The following ANKRD18A variants were observed in gnomAD, a reference collection of about 807,000 sequenced individuals.
ANKRD18A encodes the protein ankyrin repeat domain-containing protein 18A.
A neutral mutation model predicts 110.6 loss-of-function variants in ANKRD18A; 72 were observed. The ratio of observed to expected loss-of-function variants is 0.65; its 90% CI spans 0.54 to 0.79. The LOEUF (loss-of-function observed/expected upper bound fraction) is 0.79. Among genes scored for constraint, ANKRD18A ranks in the 30% least tolerant of loss-of-function variants. The probability of loss-of-function intolerance (pLI) is 0.00; values close to 1 mark genes in which losing one functional copy is unlikely to be tolerated. For missense variants in ANKRD18A, 934 were observed against 1,163.3 expected (o/e 0.80, Z 2.87); for synonymous variants, 305 against 410.3 (o/e 0.74, Z 3.10).
At chr9:38,590,089 G>A (rs557069049) in intron 10 of ANKRD18A, among the ~76,000 whole-genome samples, 113 of 152,130 alleles carry the variant, frequency 7.4e-4, no homozygotes, top group Admixed American at 2.7e-3. Flanking sequence ...TTCTAATCTT[G>A]AAGGGGGGCT....
intron 4 of ANKRD18A, 41 bp from the exon 5 acceptor site, chr9:38,610,451 G>T: frequency 6.6e-7 from 1 of 1,515,398 alleles, no homozygotes; most frequent in Non-Finnish European, 8.8e-7. Context: ...GAACTTTGAT[G>T]AAGATATTTA....
intron 7 of ANKRD18A, 118 bp downstream of exon 7, chr9:38,603,041 T>A: frequency 7.3e-7 from 1 of 1,375,520 alleles, no homozygotes; most frequent in Non-Finnish European, 9.7e-7. Context: ...AACCTTGTAA[T>A]AGACTGATGT....
chr9:38,586,263 T>C lies in ANKRD18A; in HGVS notation c.2167A>G (p.Asn723Asp). The C allele has an allele frequency of 2.5e-6, 4 of 1,606,498 alleles. No individual in the cohort carries two copies. Among genetic ancestry groups the C allele is most frequent in the Non-Finnish European group, 3.4e-6 (4 of 1,175,724 alleles). ...TCTCCATGGCAACTGAAGTCCTCAT[T>C]TGCAAATGCATTTAACATATTTATT... ...MTINMLNAFA[N>D]EDFSCHGDLN... is the part of the protein sequence containing the mutation. Residue 723 changes from asparagine (N) to aspartate (D), a missense_variant, in exon 12 of 16, where the codon AAT becomes GAT. Asn to Asp is a conservative substitution (Grantham distance 23, BLOSUM62 1). This residue lies in a region of ANKRD18A where 79 missense variants were observed against 122.8 expected (regional missense o/e 0.64). Coordinates refer to ENST00000399703, the MANE Select transcript of ANKRD18A (RefSeq NM_147195.4).
downstream of ANKRD18A, among the ~76,000 whole-genome samples, chr9:38,570,032 C>A (rs1394807332): frequency 6.6e-6 from 1 of 152,170 alleles, no homozygotes; most frequent in Non-Finnish European, 1.5e-5. Flanking sequence ...GCTCCACAGA[C>A]AAACCCCCTG....
downstream of ANKRD18A, among the ~76,000 whole-genome samples, chr9:38,568,606 A>T (rs1823536127): frequency 6.6e-6 from 1 of 151,408 alleles, no homozygotes; most frequent in Non-Finnish European, 1.5e-5. Flanking sequence ...TGGCCGGTCC[A>T]CTTGCTCCAG....
At chr9:38,600,512 A>C (rs1825074162) in intron 8 of ANKRD18A, among the ~76,000 whole-genome samples, 1 of 152,194 alleles carries the variant, frequency 6.6e-6, no homozygotes, top group African/African-American at 2.4e-5. Context: ...GCGCTTTACA[A>C]ATTTTAATAG....
chr9:38,590,267 A>AT (rs1420209017), intron 10 of ANKRD18A, among the ~76,000 whole-genome samples: 6 of 100,914 alleles, frequency 5.9e-5, no homozygotes, highest in East Asian at 2.7e-4. Flanking sequence ...TTTCTTATTT[A>AT]TTTTTTTTGA....
intron 4 of ANKRD18A, among the ~76,000 whole-genome samples, chr9:38,610,648 G>A (rs533049138): frequency 7.9e-5 from 12 of 152,232 alleles, no homozygotes; most frequent in East Asian, 3.9e-4. Context: ...GGGACATGAC[G>A]TAATACAAAT....
intron 3 of ANKRD18A, 70 bp downstream of exon 3, chr9:38,615,523 AT>A: frequency 6.9e-7 from 1 of 1,456,816 alleles, no homozygotes; most frequent in East Asian, 2.5e-5. Context: ...AGTTCCAAAT[AT>A]GAAAAATTGA....
chr9:38,601,089 A>G, intron 8 of ANKRD18A, 42 bp downstream of exon 8: 1 of 1,521,214 alleles, frequency 6.6e-7, no homozygotes, highest in Non-Finnish European at 8.9e-7. Context: ...AAAAACAAAC[A>G]AACAAACCAG....
chr9:38,617,880 C>T (rs945528119), intron 1 of ANKRD18A, among the ~76,000 whole-genome samples: 3 of 152,086 alleles, frequency 2.0e-5, no homozygotes, highest in African/African-American at 7.2e-5. Flanking sequence ...TTTTTAAATA[C>T]AACTTCTATA....
intron 3 of ANKRD18A, among the ~76,000 whole-genome samples, chr9:38,612,552 C>G: frequency 7.5e-6 from 1 of 132,588 alleles, no homozygotes; most frequent in East Asian, 2.5e-4. Context: ...GGGTCTCACA[C>G]TGTCACCCAG....
At chr9:38,602,426 G>A (rs561973603) in intron 7 of ANKRD18A, among the ~76,000 whole-genome samples, 8 of 152,190 alleles carry the variant, frequency 5.3e-5, no homozygotes, top group East Asian at 3.9e-4. Flanking sequence ...CTCCCAGAGC[G>A]TATGTTTTTG....
At chr9:38,613,895 T>C (rs2996356) in intron 3 of ANKRD18A, among the ~76,000 whole-genome samples, 12,068 of 152,242 alleles carry the variant, frequency 0.079, 545 homozygotes, top group South Asian at 0.11. Context: ...AAAGGGTCAG[T>C]CTCTACTTAT....
intron 5 of ANKRD18A, among the ~76,000 whole-genome samples, chr9:38,608,000 G>A (rs974029731): frequency 9.2e-5 from 14 of 152,184 alleles, no homozygotes; most frequent in African/African-American, 3.4e-4. Context: ...CCTGATGAGT[G>A]TTTTTCCATA....
chr9:38,617,349 A>AGAGG (rs1825899597), intron 1 of ANKRD18A, among the ~76,000 whole-genome samples: 1 of 152,158 alleles, frequency 6.6e-6, no homozygotes, highest in African/African-American at 2.4e-5. Flanking sequence ...CTGAGGCAGG[A>AGAGG]TAATCACTTG....
chr9:38,584,960 A>G (rs1162419225), intron 12 of ANKRD18A, among the ~76,000 whole-genome samples: 3 of 152,170 alleles, frequency 2.0e-5, no homozygotes, highest in African/African-American at 7.2e-5. Flanking sequence ...AAGCTGAAAA[A>G]AATCAAAGTT....
intron 14 of ANKRD18A, among the ~76,000 whole-genome samples, 193 bp downstream of exon 14, chr9:38,576,860 G>T (rs960228853): frequency 1.3e-5 from 2 of 152,134 alleles, no homozygotes; most frequent in African/African-American, 4.8e-5. Context: ...CAAAAAAAGA[G>T]AAGAGAGACA....
At chr9:38,584,804 C>T (rs548825397) in intron 12 of ANKRD18A, among the ~76,000 whole-genome samples, 54 of 152,118 alleles carry the variant, frequency 3.5e-4, no homozygotes, top group Non-Finnish European at 5.7e-4. Flanking sequence ...AGGAGCAAGA[C>T]CTTGTATTCT....
Sources: gnomAD v4.1 joint callset for allele counts (sites outside exome capture counted in the v4.1 genomes callset) on GRCh38, gnomAD v4.1.1 for gene constraint, gnomAD v4.1.1 regional missense constraint, MANE v1.5 for transcripts, NCBI Gene and HGNC (gene_info 2026-07-23, HGNC 2026-07-21) for gene names.